RPTOR: variants seen among roughly 807,000 people sequenced by gnomAD.
The protein encoded by RPTOR is regulatory associated protein of MTOR complex 1.
A neutral mutation model predicts 169.9 loss-of-function variants in RPTOR; 21 were observed. The observed-to-expected ratio is 0.12, with a 90% CI of 0.09 to 0.18. The LOEUF is 0.18. RPTOR is among the 10% of genes least tolerant of loss of function. The pLI is 1.00. For missense variants in RPTOR, 1,133 were observed against 1,855.9 expected (o/e 0.61, Z 7.16); for synonymous variants, 732 against 753.2 (o/e 0.97, Z 0.46).
chr17:80,742,968 G>A (rs1420034650), intron 5 of RPTOR, among the ~76,000 whole-genome samples: 1 of 151,992 alleles, frequency 6.6e-6, no homozygotes, highest in Non-Finnish European at 1.5e-5. Flanking sequence ...ACAGCTTTTG[G>A]TGCCATGCCG....
At chr17:80,839,583 C>G (rs2067604834) in intron 10 of RPTOR, among the ~76,000 whole-genome samples, 1 of 152,038 alleles carries the variant, frequency 6.6e-6, no homozygotes, top group African/African-American at 2.4e-5. Flanking sequence ...GGGGCAATGA[C>G]AGGGTCTCCT....
rs185387930 is a variant in RPTOR, at chr17:80,659,107, G to A, written c.348+15297G>A. On this transcript the variant is annotated intron_variant, in intron 3 of 33. Coordinates refer to ENST00000306801, the MANE Select transcript of RPTOR (RefSeq NM_020761.3). This position sits in a 1 kb window ranked among gnomAD's most constrained non-coding sequence, Gnocchi z 4.3. ...CGTGGAGGGAATCTGAGTCCCGATT[G>A]TGGAATGGTGGTGGCAGCATCACGT... Among the ~76,000 whole-genome samples, 1 of 152,346 alleles carries A rather than the reference G, an allele frequency of 6.6e-6. No homozygotes were observed. The highest frequency in any genetic ancestry group is 1.9e-4 in the East Asian group (1 of 5,180).
intron 14 of RPTOR, among the ~76,000 whole-genome samples, chr17:80,881,429 T>C (rs2068184670): frequency 6.6e-6 from 1 of 152,246 alleles, no homozygotes; most frequent in South Asian, 2.1e-4. Context: ...GAATGCTCAC[T>C]GGCGACTTGG....
intron 19 of RPTOR, 94 bp downstream of exon 19, chr17:80,892,963 C>A: frequency 6.9e-7 from 1 of 1,454,218 alleles, no homozygotes; most frequent in South Asian, 1.3e-5. Flanking sequence ...CTGCCCCTGC[C>A]CCTTCGTCTA....
At chr17:80,675,732 T>C (rs975660650) in intron 3 of RPTOR, among the ~76,000 whole-genome samples, 2 of 152,166 alleles carry the variant, frequency 1.3e-5, no homozygotes, top group Non-Finnish European at 2.9e-5. Context: ...TGGCCCCAGC[T>C]TCACTGCTCT....
intron 28 of RPTOR, among the ~76,000 whole-genome samples, chr17:80,952,495 C>A (rs2069191905): frequency 6.6e-6 from 1 of 152,194 alleles, no homozygotes; most frequent in Non-Finnish European, 1.5e-5. Context: ...TCCGCTTGCC[C>A]CAGCCCCCAC....
chr17:80,781,805 G>A (rs979783482), intron 6 of RPTOR, among the ~76,000 whole-genome samples: 1 of 152,238 alleles, frequency 6.6e-6, no homozygotes, highest in Non-Finnish European at 1.5e-5. Context: ...CCTGCACTGC[G>A]CTGGAGGGAC....
At chr17:80,644,548 C>G (rs903832082) in intron 3 of RPTOR, among the ~76,000 whole-genome samples, 2 of 152,044 alleles carry the variant, frequency 1.3e-5, no homozygotes, top group African/African-American at 4.8e-5. Context: ...TAGATGGACT[C>G]GAGTTACCTA....
At chr17:80,952,430 A>G (rs918293296) in intron 28 of RPTOR, among the ~76,000 whole-genome samples, 3 of 152,276 alleles carry the variant, frequency 2.0e-5, no homozygotes, top group Admixed American at 6.5e-5. Context: ...TGAGGAGCTC[A>G]GGCCCTCCGC....
chr17:80,728,038 GATGA>G (rs1326226589), intron 4 of RPTOR, among the ~76,000 whole-genome samples: 8 of 152,188 alleles, frequency 5.3e-5, no homozygotes, highest in Admixed American at 2.0e-4. Context: ...TGGATGGATG[GATGA>G]ATGGATGGAT....
chr17:80,944,601 A>G (rs1424160480), intron 25 of RPTOR, among the ~76,000 whole-genome samples: 1 of 152,154 alleles, frequency 6.6e-6, no homozygotes, highest in African/African-American at 2.4e-5. Context: ...CCCTCCCTTC[A>G]GTCCCTGCTT....
intron 21 of RPTOR, among the ~76,000 whole-genome samples, chr17:80,922,489 G>A (rs375635984): frequency 9.2e-5 from 14 of 152,176 alleles, no homozygotes; most frequent in African/African-American, 3.4e-4. Context: ...CGGCTCACAC[G>A]GCCACGCCAG....
At chr17:80,918,472 AGTCATAGCCACGAGCACCCTCGCG>A (rs2068703815) in intron 21 of RPTOR, among the ~76,000 whole-genome samples, 2 of 18,836 alleles carry the variant, frequency 1.1e-4, no homozygotes, top group African/African-American at 1.9e-4. Context: ...CCCTCGCCGG[AGTCATAGCCACGAGCACCCTCGCG>A]GGGGTCATAG....
intron 1 of RPTOR, among the ~76,000 whole-genome samples, chr17:80,617,811 C>A (rs1461526286): frequency 6.6e-6 from 1 of 152,164 alleles, no homozygotes; most frequent in Admixed American, 6.5e-5. Flanking sequence ...GGCTGACTGG[C>A]TGCGCACGCT....
chr17:80,858,413 C>G (rs964106447), intron 13 of RPTOR, among the ~76,000 whole-genome samples: 1 of 152,282 alleles, frequency 6.6e-6, no homozygotes, highest in Non-Finnish European at 1.5e-5. Context: ...CTGTCCAGCT[C>G]TGTCCTCTCT....
At chr17:80,665,846 C>G (rs965633413) in intron 3 of RPTOR, among the ~76,000 whole-genome samples, 1 of 152,084 alleles carries the variant, frequency 6.6e-6, no homozygotes, top group Non-Finnish European at 1.5e-5. Context: ...CCCGGCCCCC[C>G]AAAAATTTTT....
In RPTOR at chr17:80,925,473, T is replaced by C; in HGVS notation, c.2912T>C (p.Val971Ala). 1 of 1,613,140 alleles carries C rather than the reference T, an allele frequency of 6.2e-7. No homozygotes were observed. Among genetic ancestry groups the C allele is most frequent in the South Asian group, 1.1e-5 (1 of 91,088 alleles). ...AGCGCCCGCTATTTTGCCCAGCCCG[T>C]CATGAAGGTGCGCCCGGGGTGTGGG... is the stretch of plus-strand genomic sequence containing the variant. ...DWSARYFAQPVMKIPEEHDLE... is the reference protein window; with the variant it reads ...DWSARYFAQPAMKIPEEHDLE... Residue 971 changes from valine (V) to alanine (A), a missense_variant, in exon 24 of 34, where the codon GTC becomes GCC. Coordinates refer to ENST00000306801, the MANE Select transcript of RPTOR (RefSeq NM_020761.3).
chr17:80,771,944 C>A (rs892574559), intron 6 of RPTOR, among the ~76,000 whole-genome samples: 1 of 152,332 alleles, frequency 6.6e-6, no homozygotes, highest in East Asian at 1.9e-4. Flanking sequence ...CTCAGCCTCC[C>A]TGGTAACTGG....
intron 1 of RPTOR, among the ~76,000 whole-genome samples, chr17:80,584,807 C>T (rs190222429): frequency 1.3e-5 from 2 of 152,264 alleles, no homozygotes; most frequent in African/African-American, 4.8e-5. Context: ...ATGCTTTGAT[C>T]CTTGAGTTAA....
Sources: gnomAD v4.1 joint callset for allele counts (sites outside exome capture counted in the v4.1 genomes callset) on GRCh38, gnomAD v4.1.1 for gene constraint, Gnocchi (gnomAD v3.1) non-coding constraint, MANE v1.5 for transcripts, NCBI Gene and HGNC (gene_info 2026-07-23, HGNC 2026-07-21) for gene names.